ZNF462: variants seen among roughly 807,000 people sequenced by gnomAD.
ZNF462 encodes zinc finger PBX1-interacting protein.
In ZNF462, 10 loss-of-function variants were observed where a neutral mutation model predicts 201.9. The observed-to-expected ratio is 0.05, with a 90% CI of 0.03 to 0.08. ZNF462 has a LOEUF of 0.08. ZNF462 is among the 10% of genes least tolerant of loss of function. ZNF462 has a pLI of 1.00. For missense variants in ZNF462, 2,523 were observed against 3,168.3 expected (o/e 0.80, Z 4.89); for synonymous variants, 1,227 against 1,193.3 (o/e 1.03, Z -0.58).
intron 1 of ZNF462, among the ~76,000 whole-genome samples, chr9:106,903,843 G>A (rs1020141610): frequency 6.6e-6 from 1 of 152,178 alleles, no homozygotes; most frequent in African/African-American, 2.4e-5. Flanking sequence ...GAAGGCAGCA[G>A]ATAGTTGGTT....
rs558435213 is a variant in ZNF462, at chr9:106,887,292, T to C, written c.-31+23937T>C. ...TCTGTTTCACCACCACCTTCTAACA[T>C]GTTGTTCTTACATGTTATCCACAGC... is the stretch of plus-strand genomic sequence containing the variant. On this transcript the variant is annotated intron_variant, in intron 1 of 12. Coordinates refer to ENST00000277225, the MANE Select transcript of ZNF462 (RefSeq NM_021224.6). 1.1e-4 allele frequency among the ~76,000 whole-genome samples: 17 copies of C among 152,364 alleles called. No homozygotes were observed. In the South Asian group the frequency reaches 3.5e-3, roughly 32 times the overall value.
rs922636774 is a variant in ZNF462 at position 106,913,036 on chromosome 9, T to C, written c.-30-10318T>C. Among the ~76,000 whole-genome samples, 9 of 152,194 alleles carry C rather than the reference T, an allele frequency of 5.9e-5. No homozygotes were observed. Among genetic ancestry groups the C allele is most frequent in the African/African-American group, 2.2e-4 (9 of 41,448 alleles). ...AATGGTCTCAAGTGTAGTCAGGTGATGACTCCAGGTGTCACATCAGTTCAG... is the reference window on the plus strand; with the variant it reads ...AATGGTCTCAAGTGTAGTCAGGTGACGACTCCAGGTGTCACATCAGTTCAG... On this transcript the variant is annotated intron_variant, in intron 1 of 12. Transcript: ENST00000277225. The surrounding 1 kb of genome is among the most constrained non-coding windows in gnomAD (Gnocchi z 4.1).
intron 1 of ZNF462, among the ~76,000 whole-genome samples, chr9:106,884,922 C>T (rs1436260387): frequency 6.6e-6 from 1 of 152,106 alleles, no homozygotes; most frequent in Non-Finnish European, 1.5e-5. Context: ...TAATAGTATG[C>T]CTGATGTGTA....
In ZNF462 at chr9:106,863,364, C is replaced by T; in HGVS notation, c.-31+9C>T. 2.5e-6 allele frequency: 1 copy of T among 395,970 alleles called. No individual in the cohort carries two copies. The allele number at this position is 395,970 out of a possible 1,614,324, so 24.5% of individuals were successfully genotyped here. ...GCCGGGACGCTTCTTCTGTAAGTTA[C>T]TGCAATTAACAACCACCTCGGGGTG... On this transcript the variant is annotated intron_variant, in intron 1 of 12. Transcript: ENST00000277225.
Position 106,935,610 on chromosome 9 carries a change from A to G in ZNF462, c.6224A>G (p.Lys2075Arg). The G allele has an allele frequency of 2.5e-6, 4 of 1,613,412 alleles. No individual in the cohort carries two copies. Among genetic ancestry groups the G allele is most frequent in the Non-Finnish European group, 3.4e-6 (4 of 1,179,498 alleles). ...AGCCGGCTGAAAACACATATACTCA[A>G]AGCTCATGCTGGTGAGTTGTGCATT... Reference protein sequence around the residue: ...YNSRLKTHILKAHAGEHAYKC... With the variant: ...YNSRLKTHILRAHAGEHAYKC... The change falls in exon 6 of 13, where the codon AAA (lysine) becomes AGA (arginine). Residue 2075 changes from lysine to arginine, a missense_variant. Transcript: ENST00000277225. This position sits in a 1 kb window ranked among gnomAD's most constrained non-coding sequence, Gnocchi z 4.1.
At position 106,890,505 on chromosome 9, in the gene ZNF462, C is replaced by G. The variant is rs752149276; in HGVS notation, c.-31+27150C>G. 5.0e-4 allele frequency among the ~76,000 whole-genome samples: 76 copies of G among 152,216 alleles called. 1 individual carries two copies. Among genetic ancestry groups the G allele is most frequent in the Non-Finnish European group, 1.0e-4 (7 of 68,046 alleles). On this transcript the variant is annotated intron_variant, in intron 1 of 12. Transcript: ENST00000277225. The surrounding 1 kb of genome is among the most constrained non-coding windows in gnomAD (Gnocchi z 4.2). ...ACCTGCAGTTCTTTCTCTGTGTCCA[C>G]AAACATGGTTTTACACTTGGATGAT...
intron 10 of ZNF462, among the ~76,000 whole-genome samples, chr9:106,987,028 GATA>G (rs1564154239): frequency 1.5e-4 from 22 of 145,714 alleles, no homozygotes; most frequent in African/African-American, 5.1e-4. Context: ...TAGATAGATA[GATA>G]GATAGATATC....
chr9:107,003,348 A>G lies in ZNF462; in HGVS notation c.7111A>G (p.Met2371Val). 1.2e-6 allele frequency: 2 copies of G among 1,613,958 alleles called. No individual in the cohort carries two copies. The highest frequency in any genetic ancestry group is 8.5e-7 in the Non-Finnish European group (1 of 1,179,888). ...GGTTAACTTGGATCAGCTGGAACAG[A>G]TGAAGGAGAAAATGGAGAGCTCCAG... is the stretch of plus-strand genomic sequence containing the variant. ...GRVNLDQLEQ[M>V]KEKMESSSSD... is the part of the protein sequence containing the mutation. The change falls in exon 11 of 13, where the codon ATG becomes GTG. Residue 2371 changes from methionine to valine, a missense_variant. Met to Val is a conservative substitution (Grantham distance 21, BLOSUM62 1). This residue lies in a region of ZNF462 where 228 missense variants were observed against 361.2 expected (regional missense o/e 0.63). Coordinates refer to ENST00000277225, the MANE Select transcript of ZNF462 (RefSeq NM_021224.6). This position sits in a 1 kb window ranked among gnomAD's most constrained non-coding sequence, Gnocchi z 4.4.
rs561446776 is a variant in ZNF462, at chr9:106,872,577, G to A, written c.-31+9222G>A. On this transcript the variant is annotated intron_variant, in intron 1 of 12. Transcript: ENST00000277225. This position sits in a 1 kb window ranked among gnomAD's most constrained non-coding sequence, Gnocchi z 4.5. ...GGGGTTTCACTGTGTTGTCCAGGCT[G>A]GTCTCGAACTCCTGAGCTCAGGCAA... is the stretch of plus-strand genomic sequence containing the variant. Among the ~76,000 whole-genome samples, 27 of 152,146 alleles carry A rather than the reference G, an allele frequency of 1.8e-4. No individual in the cohort carries two copies. The highest frequency in any genetic ancestry group is 6.5e-4 in the African/African-American group (27 of 41,492).
rs563843986 is a variant in ZNF462 at position 106,966,242 on chromosome 9, C to G, written c.6428-5763C>G. 9.2e-5 allele frequency among the ~76,000 whole-genome samples: 14 copies of G among 152,176 alleles called. No individual in the cohort carries two copies. The highest frequency in any genetic ancestry group is 3.3e-4 in the Admixed American group (5 of 15,272). On this transcript the variant is annotated intron_variant, in intron 7 of 12. Transcript: ENST00000277225. The surrounding 1 kb of genome is among the most constrained non-coding windows in gnomAD (Gnocchi z 4.4). ...TCCCTTACACAACCTACCCCACCCTCTGATGTACATGTTTTTCTGTTCAGA... is the reference window on the plus strand; with the variant it reads ...TCCCTTACACAACCTACCCCACCCTGTGATGTACATGTTTTTCTGTTCAGA...
Position 106,965,435 on chromosome 9 carries a change from A to G in ZNF462, c.6428-6570A>G, listed in dbSNP as rs564566897. Among the ~76,000 whole-genome samples the G allele has an allele frequency of 3.0e-4, 46 of 152,186 alleles. No homozygotes were observed. The South Asian group carries it at 8.7e-3, about 29-fold the overall frequency. On this transcript the variant is annotated intron_variant, in intron 7 of 12. Coordinates refer to ENST00000277225, the MANE Select transcript of ZNF462 (RefSeq NM_021224.6). ...AGGTAGGAGACTTCAAGAGTTGCCC[A>G]TATGTAATAGGAGGACCTCAATGAA...
chr9:106,864,076 CT>C (rs1564062486), intron 1 of ZNF462, among the ~76,000 whole-genome samples: 37 of 135,152 alleles, frequency 2.7e-4, no homozygotes, highest in Non-Finnish European at 3.7e-4. Context: ...CTCTCTCTCT[CT>C]CTCTCTCTCT....
Position 106,863,313 on chromosome 9 carries a change from C to T in ZNF462, c.-73C>T, listed in dbSNP as rs867214856. 3.0e-5 allele frequency: 12 copies of T among 398,174 alleles called. No individual in the cohort carries two copies. The highest frequency in any genetic ancestry group is 2.5e-4 in the African/African-American group (12 of 48,566). The allele number at this position is 398,174 out of a possible 1,614,324, so 24.7% of individuals were successfully genotyped here. A position where few individuals can be genotyped will look rare whatever the true frequency, so the allele number is the denominator to read the frequency against. ...GAAAGAGGATAAGGAGGCGGTGGGG[C>T]TGGAGAACCCGAAGCACCTCCCGGC... is the stretch of plus-strand genomic sequence containing the variant. On this transcript the variant is annotated 5_prime_UTR_variant, in exon 1 of 13. Coordinates refer to ENST00000277225, the MANE Select transcript of ZNF462 (RefSeq NM_021224.6).
chr9:106,994,992 A>G (rs949294641), intron 10 of ZNF462, among the ~76,000 whole-genome samples: 30 of 152,168 alleles, frequency 2.0e-4, no homozygotes, highest in African/African-American at 7.2e-4. Context: ...AATGAAATCA[A>G]CTTTTCAAAT....
chr9:106,961,745 TGATATGTAGTA>T (rs1267815316), intron 7 of ZNF462, among the ~76,000 whole-genome samples: 2 of 151,952 alleles, frequency 1.3e-5, no homozygotes, highest in East Asian at 3.9e-4. Context: ...TAATACAGCA[TGATATGTAGTA>T]GTAGGGGAGT....
intron 10 of ZNF462, among the ~76,000 whole-genome samples, chr9:106,988,205 C>T (rs1827997179): frequency 6.6e-6 from 1 of 152,074 alleles, no homozygotes; most frequent in Admixed American, 6.5e-5. Flanking sequence ...GGGGAAGCCT[C>T]ACAATCATGG....
chr9:106,954,654 A>G lies in ZNF462; in HGVS notation c.6427+15547A>G, dbSNP rs768099968. On this transcript the variant is annotated intron_variant, in intron 7 of 12. Transcript: ENST00000277225. This position sits in a 1 kb window ranked among gnomAD's most constrained non-coding sequence, Gnocchi z 4.0. ...TCATCCTTTTGCCTTTGTTCATGTT[A>G]TGTCCCCTTTCCTTCATCTCCACAT... Among the ~76,000 whole-genome samples, 4 of 151,894 alleles carry G rather than the reference A, an allele frequency of 2.6e-5. No homozygotes were observed. The highest frequency in any genetic ancestry group is 5.9e-5 in the Non-Finnish European group (4 of 68,000).
chr9:106,951,856 T>G (rs1040227528), intron 7 of ZNF462, among the ~76,000 whole-genome samples: 3 of 151,982 alleles, frequency 2.0e-5, no homozygotes, highest in South Asian at 2.1e-4. Context: ...GTTGTGTTTT[T>G]TTTTTTTTTT....
rs1486533007 is a variant in ZNF462 at position 106,924,393 on chromosome 9, G to T, written c.481G>T (p.Val161Phe). The T allele has an allele frequency of 8.7e-6, 14 of 1,614,158 alleles. No individual in the cohort carries two copies. Among genetic ancestry groups the T allele is most frequent in the Non-Finnish European group, 1.0e-5 (12 of 1,180,034 alleles). The change falls in exon 3 of 13, where the codon GTC becomes TTC. Residue 161 changes from valine to phenylalanine, a missense_variant. Val to Phe is a conservative substitution (Grantham distance 50). Around this residue, in one of 15 missense-constraint regions of ZNF462, gnomAD observed 480 missense variants for 544.4 expected, o/e 0.88. Coordinates refer to ENST00000277225, the MANE Select transcript of ZNF462 (RefSeq NM_021224.6). This position sits in a 1 kb window ranked among gnomAD's most constrained non-coding sequence, Gnocchi z 6.2. Reference protein sequence around the residue: ...NIMMHEGFGKVFSCQFCTYKS... With the variant: ...NIMMHEGFGKFFSCQFCTYKS... Reference sequence around the variant, plus strand: ...CATGATGCACGAGGGATTTGGAAAGGTCTTCTCTTGCCAGTTTTGCACATA... The same window carrying T: ...CATGATGCACGAGGGATTTGGAAAGTTCTTCTCTTGCCAGTTTTGCACATA...
Sources: gnomAD v4.1 joint callset for allele counts (sites outside exome capture counted in the v4.1 genomes callset) on GRCh38, gnomAD v4.1.1 for gene constraint, gnomAD v4.1.1 regional missense constraint, Gnocchi (gnomAD v3.1) non-coding constraint, MANE v1.5 for transcripts, NCBI Gene and HGNC (gene_info 2026-07-23, HGNC 2026-07-21) for gene names.